Variants in MSRA observed in about 807,000 individuals in gnomAD.
The protein encoded by MSRA is mitochondrial peptide methionine sulfoxide reductase.
Under a neutral mutation model 31.3 loss-of-function variants are expected in MSRA, and 54 were observed. That is an observed-to-expected ratio of 1.73 (90% CI 1.39 to 2.17). The LOEUF (loss-of-function observed/expected upper bound fraction) is 2.17, where lower values mean the gene tolerates loss of function less well. Ranked by LOEUF, MSRA falls within the 30% of genes most tolerant of loss-of-function variation. MSRA has a pLI of 0.00. For missense variants in MSRA, 507 were observed against 300.9 expected, an observed-to-expected ratio of 1.69 and a Z score of -5.07; for synonymous variants, 169 against 116.5, an observed-to-expected ratio of 1.45 and a Z score of -2.90.
rs545952817 is a variant in MSRA, at chr8:10,319,923, G to A, written c.477G>A (p.Ser159=). ...QGNDHGTQYR[S]AIYPTSAKQM... is the part of the protein sequence containing the mutation. Reference sequence around the variant, plus strand: ...ACGACCATGGCACTCAGTACCGCTCGGCCATCTACCCGACCTCTGCCAAGC... The same window carrying A: ...ACGACCATGGCACTCAGTACCGCTCAGCCATCTACCCGACCTCTGCCAAGC... The change falls in exon 5 of 6, where the codon TCG becomes TCA. Residue 159 remains serine, a synonymous_variant. Coordinates refer to ENST00000317173, the MANE Select transcript of MSRA (RefSeq NM_012331.5). 3.8e-6 allele frequency: 6 copies of A among 1,599,188 alleles called. No individual in the cohort carries two copies. Among genetic ancestry groups the A allele is most frequent in the East Asian group, 2.3e-5 (1 of 44,256 alleles).
chr8:10,194,859 A>G (rs1232822624), intron 1 of MSRA, among the ~76,000 whole-genome samples: 1 of 152,240 alleles, frequency 6.6e-6, no homozygotes, highest in Non-Finnish European at 1.5e-5. Flanking sequence ...CTGGGCTTCC[A>G]GGTGTTCACT....
intron 5 of MSRA, among the ~76,000 whole-genome samples, chr8:10,350,714 T>G (rs932084291): frequency 2.0e-5 from 3 of 152,218 alleles, no homozygotes; most frequent in Non-Finnish European, 4.4e-5. Context: ...CGTGGCTCCT[T>G]GCCAAGGCCG....
chr8:10,126,562 G>C (rs1394918773), intron 1 of MSRA, among the ~76,000 whole-genome samples: 2 of 152,156 alleles, frequency 1.3e-5, no homozygotes, highest in Non-Finnish European at 2.9e-5. Flanking sequence ...GCCCAGGCTA[G>C]AGTGCAGTGG....
rs147968529 is a variant in MSRA at position 10,400,844 on chromosome 8, C to A, written c.544-27304C>A. Among the ~76,000 whole-genome samples, 6 of 152,282 alleles carry A rather than the reference C, an allele frequency of 3.9e-5. No individual in the cohort carries two copies. The East Asian group carries it at 1.2e-3, about 29-fold the overall frequency. The stretch of plus-strand genomic sequence containing the variant: ...TGTAACTAAAAGAATGAAGCTGGAT[C>A]CTTACCTCACACCATACACAACAAT... On this transcript the variant is annotated intron_variant, in intron 5 of 5. Coordinates refer to ENST00000317173, the MANE Select transcript of MSRA (RefSeq NM_012331.5).
chr8:10,281,725 T>G (rs1258336579), intron 3 of MSRA, among the ~76,000 whole-genome samples: 1 of 152,182 alleles, frequency 6.6e-6, no homozygotes. Flanking sequence ...GGAATTTTAC[T>G]TTATTCTCTT....
chr8:10,293,081 G>A (rs550339551), intron 3 of MSRA, among the ~76,000 whole-genome samples: 1 of 152,186 alleles, frequency 6.6e-6, no homozygotes, highest in Non-Finnish European at 1.5e-5. Flanking sequence ...TTTCCTCTCA[G>A]TAAAATGGAC....
intron 2 of MSRA, among the ~76,000 whole-genome samples, chr8:10,215,172 C>T (rs1323135550): frequency 2.0e-5 from 3 of 152,236 alleles, no homozygotes; most frequent in Non-Finnish European, 4.4e-5. Flanking sequence ...CCATGAACTT[C>T]TCCCATTTCG....
At chr8:10,375,994 C>G (rs1012248712) in intron 5 of MSRA, among the ~76,000 whole-genome samples, 1 of 152,178 alleles carries the variant, frequency 6.6e-6, no homozygotes, top group South Asian at 2.1e-4. Context: ...CTATTAATCA[C>G]TCTGTTCCCC....
At chr8:10,251,101 A>G (rs966258210) in intron 3 of MSRA, among the ~76,000 whole-genome samples, 1 of 152,106 alleles carries the variant, frequency 6.6e-6, no homozygotes, top group African/African-American at 2.4e-5. Flanking sequence ...AGGTCAGGTC[A>G]TGTCACCCCC....
chr8:10,283,902 T>C (rs1476598847), intron 3 of MSRA, among the ~76,000 whole-genome samples: 2 of 147,222 alleles, frequency 1.4e-5, no homozygotes. Flanking sequence ...TACTCATTGA[T>C]TGATGGGCAT....
At chr8:10,336,065 GGAA>G (rs1803023300) in intron 5 of MSRA, among the ~76,000 whole-genome samples, 3 of 152,248 alleles carry the variant, frequency 2.0e-5, no homozygotes, top group Admixed American at 2.0e-4. Flanking sequence ...GGCTCTAGGA[GGAA>G]GATCGCTCCT....
At chr8:10,060,436 T>C (rs999018459) in intron 1 of MSRA, among the ~76,000 whole-genome samples, 5 of 152,328 alleles carry the variant, frequency 3.3e-5, no homozygotes, top group South Asian at 4.1e-4. Flanking sequence ...TTTGAAAGGA[T>C]AGCTAAGAAA....
chr8:10,181,489 T>A (rs1240361489), intron 1 of MSRA, among the ~76,000 whole-genome samples: 2 of 148,690 alleles, frequency 1.3e-5, no homozygotes, highest in Non-Finnish European at 3.0e-5. Context: ...CGAAGACCCA[T>A]CAGGGATAGA....
intron 4 of MSRA, 107 bp from the exon 5 acceptor site, chr8:10,319,776 A>C (rs889463290): frequency 1.9e-6 from 1 of 530,864 alleles, no homozygotes; most frequent in Non-Finnish European, 3.2e-6. Context: ...CACATCAGGC[A>C]CAGGGACCAT....
chr8:10,056,032 T>G (rs1802342669), intron 1 of MSRA, among the ~76,000 whole-genome samples: 1 of 151,942 alleles, frequency 6.6e-6, no homozygotes, highest in African/African-American at 2.4e-5. Flanking sequence ...TATAACCAGA[T>G]TATCTAAAAC....
intron 5 of MSRA, chr8:10,326,372 G>C (rs574382458): frequency 7.2e-5 from 11 of 152,338 alleles, no homozygotes; most frequent in African/African-American, 2.6e-4. Flanking sequence ...CATTGAAACT[G>C]TGGTTTTCTG....
At chr8:10,250,906 A>AT (rs1797883207) in intron 3 of MSRA, 1 of 154,300 alleles carries the variant, frequency 6.5e-6, no homozygotes, top group Non-Finnish European at 1.4e-5. Context: ...AAATAAAAAA[A>AT]ATTGTTGCAA....
intron 5 of MSRA, among the ~76,000 whole-genome samples, chr8:10,416,456 G>A (rs756591458): frequency 1.3e-5 from 2 of 152,216 alleles, no homozygotes; most frequent in Non-Finnish European, 1.5e-5. Context: ...GGGTTTGTCA[G>A]TGTCCTTATG....
intron 2 of MSRA, among the ~76,000 whole-genome samples, chr8:10,217,295 T>C (rs918475823): frequency 2.0e-5 from 3 of 152,204 alleles, no homozygotes; most frequent in African/African-American, 4.8e-5. Flanking sequence ...GGCGCGCAAG[T>C]CTCGTGGCTG....
Sources: gnomAD v4.1 joint callset for allele counts (sites outside exome capture counted in the v4.1 genomes callset) on GRCh38, gnomAD v4.1.1 for gene constraint, MANE v1.5 for transcripts, NCBI Gene and HGNC (gene_info 2026-07-23, HGNC 2026-07-21) for gene names.